The following ATP13A3 variants were observed in gnomAD, a reference collection of about 807,000 sequenced individuals.
ATP13A3 encodes the protein ATPase 13A3.
In ATP13A3, 59 loss-of-function variants were observed where a neutral mutation model predicts 158.1. The observed-to-expected ratio is 0.37, with a 90% CI of 0.30 to 0.46. The LOEUF (loss-of-function observed/expected upper bound fraction) is 0.46. ATP13A3 is among the 20% of genes least tolerant of loss of function. ATP13A3 has a pLI of 1.00. For missense variants in ATP13A3, 1,166 were observed against 1,525.2 expected (o/e 0.76, Z 3.92); for synonymous variants, 491 against 504.3 (o/e 0.97, Z 0.35).
At chr3:194,463,142 C>A (rs576656927) in intron 2 of ATP13A3, among the ~76,000 whole-genome samples, 1 of 152,298 alleles carries the variant, frequency 6.6e-6, no homozygotes, top group African/African-American at 2.4e-5. Flanking sequence ...AAAAGTCAAT[C>A]GCTATGGCAG....
intron 2 of ATP13A3, among the ~76,000 whole-genome samples, chr3:194,467,469 TG>T (rs1249519082): frequency 5.3e-5 from 8 of 152,242 alleles, no homozygotes; most frequent in Admixed American, 3.3e-4. Flanking sequence ...AAAACGTAGT[TG>T]TTTTTTAAAG....
intron 2 of ATP13A3, among the ~76,000 whole-genome samples, chr3:194,466,552 C>G (rs1577085757): frequency 6.6e-6 from 1 of 152,052 alleles, no homozygotes; most frequent in Non-Finnish European, 1.5e-5. Context: ...TCTTTATTGA[C>G]CAGGGGATGG....
At position 194,435,150 on chromosome 3, in the gene ATP13A3, TGG is replaced by T. The variant is rs770418821; in HGVS notation, c.2121-1256_2121-1255del. Among the ~76,000 whole-genome samples the T allele has an allele frequency of 3.8e-4, 58 of 152,184 alleles. No individual in the cohort carries two copies. The Middle Eastern group carries it at 0.02, about 54-fold the overall frequency. On this transcript the variant is annotated intron_variant, in intron 20 of 33. Coordinates refer to ENST00000645319, the MANE Select transcript of ATP13A3 (RefSeq NM_001367549.1). Reference sequence around the variant, plus strand: ...GAAACACCTAATTTCTAACAATGGGTGGTAAGGATATTAGAGAATAGTTGAGA... The same window carrying T: ...GAAACACCTAATTTCTAACAATGGGTTAAGGATATTAGAGAATAGTTGAGA...
chr3:194,482,508 G>T (rs1003489395), intron 2 of ATP13A3, among the ~76,000 whole-genome samples: 8 of 152,080 alleles, frequency 5.3e-5, no homozygotes, highest in Non-Finnish European at 8.8e-5. Flanking sequence ...ATTAATTTGA[G>T]CCCAGAACTT....
At chr3:194,483,429 A>AAAAAAAAAAC (rs1720838155) in intron 2 of ATP13A3, among the ~76,000 whole-genome samples, 1 of 151,100 alleles carries the variant, frequency 6.6e-6, no homozygotes, top group Admixed American at 6.6e-5. Flanking sequence ...ACCTCTACAA[A>AAAAAAAAAAC]AAAAAAAAAA....
intron 21 of ATP13A3, among the ~76,000 whole-genome samples, chr3:194,432,663 C>T (rs1280348469): frequency 6.6e-6 from 1 of 152,102 alleles, no homozygotes; most frequent in Non-Finnish European, 1.5e-5. Context: ...GGCTGGAATG[C>T]TAACAGACTT....
chr3:194,438,173 A>C (rs1717797167), intron 17 of ATP13A3, among the ~76,000 whole-genome samples: 1 of 152,164 alleles, frequency 6.6e-6, no homozygotes, highest in Non-Finnish European at 1.5e-5. Flanking sequence ...AAATAATAAT[A>C]AACTCTGGAA....
intron 2 of ATP13A3, among the ~76,000 whole-genome samples, chr3:194,473,654 C>T (rs1287744171): frequency 2.0e-5 from 3 of 152,052 alleles, no homozygotes; most frequent in Admixed American, 1.3e-4. Context: ...AATTTAAAAC[C>T]TATACACTTT....
At chr3:194,493,353 A>AG (rs1211389017) in intron 2 of ATP13A3, among the ~76,000 whole-genome samples, 1 of 152,162 alleles carries the variant, frequency 6.6e-6, no homozygotes, top group African/African-American at 2.4e-5. Flanking sequence ...TCCCAGGCTA[A>AG]GAATCCCTCT....
intron 2 of ATP13A3, among the ~76,000 whole-genome samples, chr3:194,476,080 T>C (rs1368259135): frequency 6.6e-6 from 1 of 152,114 alleles, no homozygotes; most frequent in Non-Finnish European, 1.5e-5. Context: ...ATAAGGAAAA[T>C]AGTGTCTAGA....
rs550351335 is a variant in ATP13A3, at chr3:194,425,484, T to C, written c.3171A>G (p.Val1057=). 8 of 1,613,626 alleles carry C rather than the reference T, an allele frequency of 5.0e-6. No individual in the cohort carries two copies. The East Asian group carries it at 6.7e-5, about 13-fold the overall frequency. ...GTTCATCAAGTTCGGTTTCATTGTCTACGTGTGAAGAATTCCAAAACCCGC... is the reference window on the plus strand; with the variant it reads ...GTTCATCAAGTTCGGTTTCATTGTCCACGTGTGAAGAATTCCAAAACCCGC... The part of the protein sequence containing the change: ...TGSGFWNSSH[V]DNETELDEHN... The change falls in exon 30 of 34, where the codon GTA becomes GTG. Residue 1057 remains valine (V), a synonymous_variant. Coordinates refer to ENST00000645319, the MANE Select transcript of ATP13A3 (RefSeq NM_001367549.1).
intron 2 of ATP13A3, among the ~76,000 whole-genome samples, chr3:194,477,461 TC>T (rs1720574242): frequency 6.6e-6 from 1 of 152,144 alleles, no homozygotes; most frequent in Non-Finnish European, 1.5e-5. Flanking sequence ...CCGCATCTCA[TC>T]CCTATTCCCC....
At chr3:194,443,051 AAG>A (rs1553801394) in intron 15 of ATP13A3, among the ~76,000 whole-genome samples, 2 of 152,020 alleles carry the variant, frequency 1.3e-5, no homozygotes, top group Non-Finnish European at 2.9e-5. Context: ...AAAAAAAAAA[AAG>A]AGTGACAGTG....
intron 14 of ATP13A3, among the ~76,000 whole-genome samples, 155 bp from the exon 15 acceptor site, chr3:194,444,941 C>G (rs556260038): frequency 7.0e-4 from 106 of 152,074 alleles, no homozygotes; most frequent in Admixed American, 2.7e-3. Context: ...CAGGCAAGAT[C>G]CCTGACAGAG....
intron 2 of ATP13A3, among the ~76,000 whole-genome samples, chr3:194,462,672 G>A (rs1240055399): frequency 6.6e-6 from 1 of 152,132 alleles, no homozygotes; most frequent in Non-Finnish European, 1.5e-5. Flanking sequence ...TATTTAATAA[G>A]ATTTTGTTTA....
intron 20 of ATP13A3, among the ~76,000 whole-genome samples, chr3:194,436,719 C>T (rs893706854): frequency 1.1e-4 from 17 of 152,212 alleles, no homozygotes; most frequent in African/African-American, 3.9e-4. Flanking sequence ...ATGGCGGCAC[C>T]CGCCTATAAT....
At chr3:194,459,381 C>T in intron 6 of ATP13A3, 90 bp downstream of exon 6, 1 of 868,326 alleles carries the variant, frequency 1.2e-6, no homozygotes, top group Non-Finnish European at 1.8e-6. Flanking sequence ...AAAACCTCAG[C>T]AATTTTATGA....
intron 6 of ATP13A3, among the ~76,000 whole-genome samples, chr3:194,458,508 A>G (rs982748238): frequency 3.3e-5 from 5 of 151,970 alleles, no homozygotes; most frequent in South Asian, 4.2e-4. Context: ...TCCTGCCTCA[A>G]CCTCCTGAGT....
intron 21 of ATP13A3, among the ~76,000 whole-genome samples, chr3:194,433,108 T>A (rs1047876614): frequency 2.6e-5 from 4 of 152,098 alleles, no homozygotes; most frequent in African/African-American, 9.7e-5. Context: ...GAATCTTATA[T>A]TCTAGTACAG....
Sources: allele counts gnomAD v4.1 joint callset (sites outside exome capture counted in the v4.1 genomes callset), GRCh38; gene constraint gnomAD v4.1.1; transcripts MANE v1.5; gene names NCBI Gene and HGNC (gene_info 2026-07-23, HGNC 2026-07-21).